Variants in TENM4 observed in about 807,000 individuals in gnomAD.
TENM4 encodes the protein teneurin-4.
TENM4 carries 82 observed loss-of-function variants against 243.3 expected under a neutral mutation model. That is an observed-to-expected ratio of 0.34 (90% CI 0.28 to 0.40). The LOEUF (loss-of-function observed/expected upper bound fraction) is 0.40. Among genes scored for constraint, TENM4 ranks in the 10% least tolerant of loss-of-function variants. The pLI, the probability that TENM4 is intolerant of heterozygous loss-of-function variation, is 1.00. For synonymous variants in TENM4, 1,412 were observed against 1,456.3 expected (o/e 0.97, Z 0.69); for missense variants, 3,138 against 3,673.3 (o/e 0.85, Z 3.77).
intron 1 of TENM4, among the ~76,000 whole-genome samples, chr11:79,316,415 G>A (rs1856802924): frequency 6.6e-6 from 1 of 152,148 alleles, no homozygotes; most frequent in South Asian, 2.1e-4. Context: ...AATGATGGAA[G>A]GAATATGGGT....
At chr11:78,761,232 CT>C (rs999286416) in intron 18 of TENM4, among the ~76,000 whole-genome samples, 7 of 151,042 alleles carry the variant, frequency 4.6e-5, no homozygotes, top group African/African-American at 7.3e-5. Context: ...GGGTGGTTTT[CT>C]TTTTTTTCTT....
In TENM4 at chr11:79,271,018, A is replaced by G. The variant is rs183493781; in HGVS notation, c.-265+26470T>C. Among the ~76,000 whole-genome samples the G allele has an allele frequency of 3.9e-5, 6 of 152,184 alleles. No individual in the cohort carries two copies. In the East Asian group the frequency reaches 1.2e-3, roughly 29 times the overall value. ...AGTCACAAAAGGTTTGGAAACTCTG[A>G]TCTAGGTCATTGAGTTTGTCTGCTG... On this transcript the variant is annotated intron_variant, in intron 2 of 33. Transcript: ENST00000278550.
At chr11:78,898,902 C>A (rs890087978) in intron 7 of TENM4, among the ~76,000 whole-genome samples, 1 of 152,130 alleles carries the variant, frequency 6.6e-6, no homozygotes, top group African/African-American at 2.4e-5. Flanking sequence ...AATAATAAAA[C>A]ACTACATAAT....
At chr11:79,323,131 C>A (rs542565325) in intron 1 of TENM4, among the ~76,000 whole-genome samples, 66 of 152,336 alleles carry the variant, frequency 4.3e-4, no homozygotes, top group African/African-American at 1.5e-3. Context: ...CAGTTCCACA[C>A]AACAAGTCTT....
At chr11:78,767,377 C>T (rs950636604) in intron 18 of TENM4, among the ~76,000 whole-genome samples, 4 of 152,350 alleles carry the variant, frequency 2.6e-5, no homozygotes, top group East Asian at 1.9e-4. Flanking sequence ...ATTACGCTCT[C>T]GTAAGCCTTG....
intron 6 of TENM4, among the ~76,000 whole-genome samples, chr11:79,007,684 C>T (rs567598100): frequency 6.6e-6 from 1 of 152,206 alleles, no homozygotes; most frequent in Non-Finnish European, 1.5e-5. Flanking sequence ...GAAAAGAGCA[C>T]TCCAGCCAAA....
At chr11:78,871,870 G>T (rs543444) in intron 9 of TENM4, among the ~76,000 whole-genome samples, 62,232 of 151,936 alleles carry the variant, frequency 0.41, 14,474 homozygotes, top group African/African-American at 0.64. Context: ...GGAAAGGAAG[G>T]AGACAGAGTG....
chr11:79,399,731 G>A (rs1164700026), intron 1 of TENM4, among the ~76,000 whole-genome samples: 9 of 152,058 alleles, frequency 5.9e-5, no homozygotes, highest in African/African-American at 1.2e-4. Flanking sequence ...GGAAACAGAC[G>A]TAGAGTCAAA....
In TENM4 at chr11:78,959,983, G is replaced by C. The variant is rs543730496; in HGVS notation, c.494-56460C>G. On this transcript the variant is annotated intron_variant, in intron 6 of 33. Transcript: ENST00000278550. ...TTTCCCCCCTACCCCATAAGCTTAA[G>C]AAGGCTACTGGCAGGAATAACTTGT... Among the ~76,000 whole-genome samples the C allele has an allele frequency of 5.9e-5, 9 of 152,012 alleles. No individual in the cohort carries two copies. In the East Asian group the frequency reaches 1.7e-3, roughly 29 times the overall value.
At chr11:79,250,944 C>A (rs1488876510) in intron 2 of TENM4, among the ~76,000 whole-genome samples, 1 of 152,194 alleles carries the variant, frequency 6.6e-6, no homozygotes, top group Non-Finnish European at 1.5e-5. Flanking sequence ...AAGTGTTGAA[C>A]TTCTGTTTCT....
chr11:79,293,977 T>C (rs888513645), intron 2 of TENM4, among the ~76,000 whole-genome samples: 1 of 152,216 alleles, frequency 6.6e-6, no homozygotes, highest in Non-Finnish European at 1.5e-5. Context: ...TACCTTGACC[T>C]CACATCATTG....
Position 78,805,403 on chromosome 11 carries a change from C to A in TENM4, c.2068G>T (p.Glu690Ter). Reference protein sequence around the residue: ...CSVGWGGTNCETPRATCLDQC... With the variant: ...CSVGWGGTNC ...TCTAAGCATGTGGCCCTGGGGGTCT[C>A]GCAGTTGGTGCCTCCCCATCCCACA... The change falls in exon 15 of 34, where the codon GAG becomes TAG. Residue 690 changes from glutamate to a stop codon, truncating the protein, a stop_gained. Transcript: ENST00000278550. LOFTEE classifies it high-confidence loss of function. 1 of 1,606,258 alleles carries A rather than the reference C, an allele frequency of 6.2e-7. No homozygotes were observed. The highest frequency in any genetic ancestry group is 2.2e-5 in the East Asian group (1 of 44,498).
intron 6 of TENM4, among the ~76,000 whole-genome samples, chr11:79,037,401 A>G (rs951579165): frequency 6.6e-6 from 1 of 152,258 alleles, no homozygotes; most frequent in African/African-American, 2.4e-5. Flanking sequence ...CAGATTTCTT[A>G]TGCATCTGGA....
chr11:79,399,790 A>T (rs1019903111), intron 1 of TENM4, among the ~76,000 whole-genome samples: 1 of 152,170 alleles, frequency 6.6e-6, no homozygotes, highest in Non-Finnish European at 1.5e-5. Flanking sequence ...CTTAGGCAAG[A>T]TATTCAAACC....
intron 13 of TENM4, among the ~76,000 whole-genome samples, chr11:78,813,847 C>A (rs1031018143): frequency 6.6e-6 from 1 of 152,230 alleles, no homozygotes; most frequent in Non-Finnish European, 1.5e-5. Context: ...CTGATTCTGC[C>A]TGTGCTGTTA....
At chr11:79,025,397 A>G (rs757414897) in intron 6 of TENM4, among the ~76,000 whole-genome samples, 4 of 152,194 alleles carry the variant, frequency 2.6e-5, no homozygotes, top group Admixed American at 2.6e-4. Flanking sequence ...AATAATTAAT[A>G]ATAATAGACA....
intron 2 of TENM4, among the ~76,000 whole-genome samples, chr11:79,229,472 C>T (rs1469907805): frequency 6.6e-6 from 1 of 152,142 alleles, no homozygotes; most frequent in Non-Finnish European, 1.5e-5. Flanking sequence ...TGCCATTCTT[C>T]CCCTTGGCTA....
chr11:79,428,756 G>A (rs893831744), intron 1 of TENM4, among the ~76,000 whole-genome samples: 3 of 152,162 alleles, frequency 2.0e-5, no homozygotes, highest in South Asian at 2.1e-4. Context: ...AAGAAACCTT[G>A]ATTACCATAT....
chr11:78,992,543 G>A (rs1247045681), intron 6 of TENM4, among the ~76,000 whole-genome samples: 1 of 152,210 alleles, frequency 6.6e-6, no homozygotes, highest in Non-Finnish European at 1.5e-5. Flanking sequence ...CTGGATTTGT[G>A]GTGGTATGTG....
Sources: gnomAD v4.1 joint callset for allele counts (sites outside exome capture counted in the v4.1 genomes callset) on GRCh38, gnomAD v4.1.1 for gene constraint, MANE v1.5 for transcripts, NCBI Gene and HGNC (gene_info 2026-07-23, HGNC 2026-07-21) for gene names.